KAT6B: variants seen among roughly 807,000 people sequenced by gnomAD.
The protein encoded by KAT6B is lysine acetyltransferase 6B, also known as histone acetyltransferase KAT6B.
KAT6B carries 10 observed loss-of-function variants against 187.5 expected under a neutral mutation model. That is an observed-to-expected ratio of 0.05 (90% CI 0.03 to 0.09). KAT6B has a LOEUF of 0.09. Among genes scored for constraint, KAT6B ranks in the 10% least tolerant of loss-of-function variants. The pLI is 1.00. For missense variants in KAT6B, 1,952 were observed against 2,558.9 expected (o/e 0.76, Z 5.12); for synonymous variants, 861 against 926.8 (o/e 0.93, Z 1.29).
chr10:74,863,793 C>T (rs1843359974), intron 3 of KAT6B, among the ~76,000 whole-genome samples: 1 of 152,170 alleles, frequency 6.6e-6, no homozygotes, highest in African/African-American at 2.4e-5. Flanking sequence ...TAAGCATCTT[C>T]AACTCTTTCA....
At chr10:75,011,967 C>T (rs1844638897) in intron 13 of KAT6B, among the ~76,000 whole-genome samples, 2 of 152,106 alleles carry the variant, frequency 1.3e-5, no homozygotes, top group Admixed American at 6.6e-5. Flanking sequence ...GGTGCTGTAC[C>T]CCATTTAATA....
intron 1 of KAT6B, among the ~76,000 whole-genome samples, chr10:74,834,373 AT>A (rs1036125408): frequency 4.6e-5 from 7 of 151,204 alleles, no homozygotes; most frequent in Admixed American, 1.3e-4. Context: ...AATTTTTTGT[AT>A]TTTAGTAGAG....
chr10:74,971,509 A>G (rs997011028), intron 6 of KAT6B, among the ~76,000 whole-genome samples: 1 of 152,188 alleles, frequency 6.6e-6, no homozygotes, highest in African/African-American at 2.4e-5. Context: ...TAATAGAAAT[A>G]TGTCTGATTA....
chr10:74,957,108 C>G (rs1452577983), intron 3 of KAT6B, among the ~76,000 whole-genome samples: 1 of 152,096 alleles, frequency 6.6e-6, no homozygotes, highest in Non-Finnish European at 1.5e-5. Flanking sequence ...TTTTTTTAAA[C>G]ACAGTTTATA....
At chr10:74,872,636 C>A (rs1844078117) in intron 3 of KAT6B, among the ~76,000 whole-genome samples, 1 of 152,076 alleles carries the variant, frequency 6.6e-6, no homozygotes, top group African/African-American at 2.4e-5. Context: ...CCTCAGGCTC[C>A]TGAGTAGCTG....
chr10:74,922,207 T>C (rs1261906130), intron 3 of KAT6B, among the ~76,000 whole-genome samples: 1 of 152,246 alleles, frequency 6.6e-6, no homozygotes, highest in Non-Finnish European at 1.5e-5. Context: ...TGTTTGAATA[T>C]AAGGATGGCT....
At position 74,970,140 on chromosome 10, in the gene KAT6B, A is replaced by G. The variant is rs763009575; in HGVS notation, c.928+39A>G. The stretch of plus-strand genomic sequence containing the variant: ...CTGTACTAAAAATGTATTTTATTAC[A>G]TATTGGTTAGCTTTGTCCTGAGGTC... On this transcript the variant is annotated intron_variant, in intron 6 of 17. Coordinates refer to ENST00000287239, the MANE Select transcript of KAT6B (RefSeq NM_012330.4). 6 of 1,493,370 alleles carry G rather than the reference A, an allele frequency of 4.0e-6. 1 individual carries two copies. Among genetic ancestry groups the G allele is most frequent in the South Asian group, 3.4e-5 (3 of 88,310 alleles). The allele number at this position is 1,493,370 out of a possible 1,614,324, so 92.5% of individuals were successfully genotyped here. A position where few individuals can be genotyped will look rare whatever the true frequency, so the allele number is the denominator to read the frequency against.
At position 74,842,831 on chromosome 10, in the gene KAT6B, T is replaced by C. The variant is rs936332435; in HGVS notation, c.-27T>C. 1 of 1,613,224 alleles carries C rather than the reference T, an allele frequency of 6.2e-7. No individual in the cohort carries two copies. ...CAAAGAGAACCTCTATGGGTAACTT[T>C]TGTGTTGAAGAAGTCATTTGTCAAC... On this transcript the variant is annotated 5_prime_UTR_variant, in exon 3 of 18. Transcript: ENST00000287239.
Position 75,028,623 on chromosome 10 carries a change from A to T in KAT6B, c.3799A>T (p.Thr1267Ser). 6.2e-7 allele frequency: 1 copy of T among 1,614,200 alleles called. No homozygotes were observed. Among genetic ancestry groups the T allele is most frequent in the Non-Finnish European group, 8.5e-7 (1 of 1,180,034 alleles). The change falls in exon 18 of 18, where the codon ACC becomes TCC. Residue 1267 changes from threonine to serine, a missense_variant. Around this residue, in one of 9 missense-constraint regions of KAT6B, gnomAD observed 758 missense variants for 891.4 expected, o/e 0.85. Coordinates refer to ENST00000287239, the MANE Select transcript of KAT6B (RefSeq NM_012330.4). ...SKWRQNKERKTGFKLNLYTPP... is the reference protein window; with the variant it reads ...SKWRQNKERKSGFKLNLYTPP... Reference sequence around the variant, plus strand: ...GTGGAGGCAAAACAAAGAGAGGAAGACCGGATTTAAACTGAATTTGTACAC... The same window carrying T: ...GTGGAGGCAAAACAAAGAGAGGAAGTCCGGATTTAAACTGAATTTGTACAC...
rs748760629 is a variant in KAT6B at position 74,843,117 on chromosome 10, C to A, written c.260C>A (p.Thr87Asn). Residue 87 changes from threonine (T) to asparagine (N), a missense_variant, in exon 3 of 18, where the codon ACT (threonine) becomes AAT (asparagine). Around this residue, in one of 9 missense-constraint regions of KAT6B, gnomAD observed 218 missense variants for 282.6 expected, o/e 0.77. Transcript: ENST00000287239. ...CGCTTTTCATCAGTTAAACCAGGCACTTTTCCTAAGTCAGCCAAGGGGTCT... is the reference window on the plus strand; with the variant it reads ...CGCTTTTCATCAGTTAAACCAGGCAATTTTCCTAAGTCAGCCAAGGGGTCT... ...PGRFSSVKPG[T>N]FPKSAKGSRG... 1 of 1,614,180 alleles carries A rather than the reference C, an allele frequency of 6.2e-7. No homozygotes were observed. Among genetic ancestry groups the A allele is most frequent in the Non-Finnish European group, 8.5e-7 (1 of 1,180,040 alleles).
Position 75,029,338 on chromosome 10 carries a change from A to G in KAT6B, c.4514A>G (p.Glu1505Gly), listed in dbSNP as rs2134241318. Residue 1505 changes from glutamate to glycine, a missense_variant, in exon 18 of 18, where the codon GAG becomes GGG. By Grantham distance (98) the Glu-to-Gly change is moderately conservative (BLOSUM62 -2). This residue lies in a region of KAT6B where 758 missense variants were observed against 891.4 expected (regional missense o/e 0.85). Coordinates refer to ENST00000287239, the MANE Select transcript of KAT6B (RefSeq NM_012330.4). The surrounding 1 kb of genome is among the most constrained non-coding windows in gnomAD (Gnocchi z 6.2). ...DPEAVPESDE[E>G]PPPGEQAQKQ... ...GAAGCTGTACCCGAATCTGACGAGG[A>G]GCCACCCCCAGGAGAACAGGCACAG... The G allele has an allele frequency of 1.9e-6, 3 of 1,614,114 alleles. No homozygotes were observed. Among genetic ancestry groups the G allele is most frequent in the East Asian group, 2.2e-5 (1 of 44,878 alleles).
chr10:74,953,850 A>G (rs1840485552), intron 3 of KAT6B, among the ~76,000 whole-genome samples: 1 of 152,246 alleles, frequency 6.6e-6, no homozygotes, highest in Non-Finnish European at 1.5e-5. Flanking sequence ...TAACAAATAT[A>G]TAGTTTCCTT....
intron 11 of KAT6B, chr10:74,983,649 A>T (rs1589753557): frequency 6.6e-6 from 1 of 152,230 alleles, no homozygotes; most frequent in Non-Finnish European, 1.5e-5. Context: ...AAATCCATGG[A>T]ACGTCTTCTC....
At chr10:74,937,041 G>T (rs1231052235) in intron 3 of KAT6B, among the ~76,000 whole-genome samples, 1 of 152,184 alleles carries the variant, frequency 6.6e-6, no homozygotes, top group Non-Finnish European at 1.5e-5. Flanking sequence ...ATTATGTAAT[G>T]TCTGAAAAGT....
At position 75,032,324 on chromosome 10, in the gene KAT6B, TAGAG is replaced by T. The variant is rs1464669547; in HGVS notation, c.*1280_*1283del. On this transcript the variant is annotated 3_prime_UTR_variant, in exon 18 of 18. Transcript: ENST00000287239. The stretch of plus-strand genomic sequence containing the variant: ...TTGTGTCCTGTCATATTATGATTGA[TAGAG>T]AATGACCAATGGAACTGTATCATGT... 7.2e-5 allele frequency: 14 copies of T among 193,482 alleles called. No homozygotes were observed. In the Admixed American group the frequency reaches 7.4e-4, roughly 10 times the overall value. 12.0% of individuals were successfully genotyped at this position (193,482 alleles called of 1,614,324 possible).
At position 74,838,099 on chromosome 10, in the gene KAT6B, G is replaced by A. The variant is rs540940188; in HGVS notation, c.-328-584G>A. Among the ~76,000 whole-genome samples the A allele has an allele frequency of 2.6e-5, 4 of 152,234 alleles. No homozygotes were observed. In the East Asian group the frequency reaches 7.7e-4, roughly 29 times the overall value. On this transcript the variant is annotated intron_variant, in intron 1 of 17. Transcript: ENST00000287239. ...TTTAAATTTATTTTTTGCTTTTCAA[G>A]TAAAAATAATCACTGCTGTCCTAAA...
At chr10:74,970,143 T>C in intron 6 of KAT6B, 42 bp downstream of exon 6, 3 of 1,460,790 alleles carry the variant, frequency 2.1e-6, no homozygotes, top group East Asian at 2.3e-5. Flanking sequence ...TTATTACATA[T>C]TGGTTAGCTT....
intron 3 of KAT6B, among the ~76,000 whole-genome samples, chr10:74,854,396 A>G (rs904653768): frequency 1.7e-4 from 26 of 152,210 alleles, no homozygotes; most frequent in African/African-American, 6.3e-4. Flanking sequence ...AACAGTTGCA[A>G]ACTACATATT....
At chr10:74,950,386 G>A (rs1564583151) in intron 3 of KAT6B, among the ~76,000 whole-genome samples, 1 of 152,228 alleles carries the variant, frequency 6.6e-6, no homozygotes, top group Non-Finnish European at 1.5e-5. Context: ...GCAGAGGAAT[G>A]GCTGTCCTGA....
Sources: gnomAD v4.1 joint callset for allele counts (sites outside exome capture counted in the v4.1 genomes callset) on GRCh38, gnomAD v4.1.1 for gene constraint, gnomAD v4.1.1 regional missense constraint, Gnocchi (gnomAD v3.1) non-coding constraint, MANE v1.5 for transcripts, NCBI Gene and HGNC (gene_info 2026-07-23, HGNC 2026-07-21) for gene names.